Variants in FANCL observed in about 807,000 individuals in gnomAD.
FANCL encodes E3 ubiquitin-protein ligase FANCL.
In FANCL, 69 loss-of-function variants were observed where a neutral mutation model predicts 59.4. That is an observed-to-expected ratio of 1.16 (90% CI 0.96 to 1.42). The LOEUF is 1.42. FANCL is among the 40% of genes most tolerant of loss of function. The probability of loss-of-function intolerance (pLI) is 0.00; values close to 1 mark genes in which losing one functional copy is unlikely to be tolerated. For missense variants in FANCL, 519 were observed against 447.2 expected (o/e 1.16, Z -1.45); for synonymous variants, 180 against 147.1 (o/e 1.22, Z -1.62).
chr2:58,188,385 T>C (rs762415491), intron 7 of FANCL, among the ~76,000 whole-genome samples: 19 of 152,152 alleles, frequency 1.2e-4, no homozygotes, highest in Non-Finnish European at 2.1e-4. Context: ...CACAGGACCT[T>C]TGCAGCCTTT....
chr2:58,224,981 T>C (rs921785432), intron 4 of FANCL, among the ~76,000 whole-genome samples: 15 of 151,922 alleles, frequency 9.9e-5, no homozygotes, highest in African/African-American at 3.1e-4. Context: ...CCAAATACTA[T>C]TTCCCACAAA....
rs568961545 is a variant in FANCL at position 58,188,048 on chromosome 2, T to G, written c.540+10546A>C. On this transcript the variant is annotated intron_variant, in intron 7 of 13. Coordinates refer to ENST00000233741, the MANE Select transcript of FANCL (RefSeq NM_018062.4). ...CCCTGTGTTTCTTCTAGAAGCTTTATATTTATGTTTTTACATTGTTTATAA... is the reference window on the plus strand; with the variant it reads ...CCCTGTGTTTCTTCTAGAAGCTTTAGATTTATGTTTTTACATTGTTTATAA... Among the ~76,000 whole-genome samples the G allele has an allele frequency of 3.3e-5, 5 of 152,258 alleles. No homozygotes were observed. In the East Asian group the frequency reaches 9.6e-4, roughly 29 times the overall value.
intron 7 of FANCL, among the ~76,000 whole-genome samples, chr2:58,174,437 T>A (rs1315994462): frequency 6.6e-6 from 1 of 152,062 alleles, no homozygotes. Context: ...TAACAAACTG[T>A]CTCTCAGACC....
At chr2:58,229,252 T>C (rs1693338838) in intron 3 of FANCL, among the ~76,000 whole-genome samples, 1 of 152,140 alleles carries the variant, frequency 6.6e-6, no homozygotes, top group South Asian at 2.1e-4. Context: ...AGAATTATAT[T>C]ATGTCATTAT....
rs1032497636 is a variant in FANCL at position 58,221,944 on chromosome 2, A to G, written c.372T>C (p.Asp124=). ...AACATATTTTAAAACAGACATACTT[A>G]TCCCAACCAAGAGTTCCTATCTCTT... The part of the protein sequence containing the change: ...LIEEIGTLGW[D]KLVYADTCFS... The change falls in exon 5 of 14, where the codon GAT becomes GAC. Residue 124 remains aspartate (D), a splice_region_variant and synonymous_variant. Transcript: ENST00000233741. 1 of 1,603,080 alleles carries G rather than the reference A, an allele frequency of 6.2e-7. No individual in the cohort carries two copies. Among genetic ancestry groups the G allele is most frequent in the Non-Finnish European group, 8.5e-7 (1 of 1,170,086 alleles).
chr2:58,191,027 C>A (rs935408297), intron 7 of FANCL, among the ~76,000 whole-genome samples: 3 of 151,596 alleles, frequency 2.0e-5, no homozygotes, highest in African/African-American at 7.3e-5. Context: ...CTCCAATGGG[C>A]ATGTTTTTCA....
chr2:58,161,673 G>T, intron 11 of FANCL, 35 bp from the exon 12 acceptor site: 1 of 1,368,922 alleles, frequency 7.3e-7, no homozygotes. Context: ...AAGCGTATGT[G>T]TCTCACTAAC....
intron 7 of FANCL, among the ~76,000 whole-genome samples, chr2:58,194,961 A>T (rs577545353): frequency 6.6e-6 from 1 of 152,056 alleles, no homozygotes; most frequent in African/African-American, 2.4e-5. Context: ...TTCCAAGTTT[A>T]AAGTCCAGAA....
chr2:58,207,633 T>C (rs1690724566), intron 5 of FANCL, among the ~76,000 whole-genome samples: 1 of 152,200 alleles, frequency 6.6e-6, no homozygotes, highest in African/African-American at 2.4e-5. Context: ...GCCTATGATA[T>C]AACTAATAGA....
chr2:58,212,196 G>T (rs531485365), intron 5 of FANCL, among the ~76,000 whole-genome samples: 1 of 152,292 alleles, frequency 6.6e-6, no homozygotes, highest in African/African-American at 2.4e-5. Flanking sequence ...AGGCAAAGAG[G>T]AGCAAGTCCC....
intron 7 of FANCL, among the ~76,000 whole-genome samples, chr2:58,178,153 C>T (rs1433947326): frequency 6.6e-6 from 1 of 152,078 alleles, no homozygotes; most frequent in Non-Finnish European, 1.5e-5. Flanking sequence ...CCAAATTCTA[C>T]CAGAGGTACA....
Position 58,222,044 on chromosome 2 carries a change from T to C in FANCL, c.274-2A>G, listed in dbSNP as rs769762001. 4 of 1,609,094 alleles carry C rather than the reference T, an allele frequency of 2.5e-6. No individual in the cohort carries two copies. Among genetic ancestry groups the C allele is most frequent in the South Asian group, 1.1e-5 (1 of 90,958 alleles). ...TTGTCTATTCTTTAAGGCAACTTCC[T>C]GTTTAAAAGAAGAAAACCTGAATTA... On this transcript the variant is annotated splice_acceptor_variant, in intron 4 of 13. Transcript: ENST00000233741. LOFTEE classifies it high-confidence loss of function.
intron 5 of FANCL, among the ~76,000 whole-genome samples, chr2:58,205,687 A>G (rs2105160394): frequency 6.6e-6 from 1 of 152,240 alleles, no homozygotes; most frequent in Admixed American, 6.6e-5. Context: ...TTTTAGGAAA[A>G]TGTAGAGTAG....
At chr2:58,188,709 G>A (rs1688641436) in intron 7 of FANCL, among the ~76,000 whole-genome samples, 1 of 151,578 alleles carries the variant, frequency 6.6e-6, no homozygotes, top group African/African-American at 2.4e-5. Flanking sequence ...TGAAGTGTTG[G>A]GATTACGGGT....
intron 7 of FANCL, among the ~76,000 whole-genome samples, chr2:58,176,363 T>A (rs1254946374): frequency 3.9e-5 from 6 of 151,902 alleles, no homozygotes; most frequent in African/African-American, 1.5e-4. Flanking sequence ...GGCATCACGC[T>A]ACCTGACTTC....
At chr2:58,163,277 C>T (rs931112926) in intron 9 of FANCL, 157 bp downstream of exon 9, 15 of 726,158 alleles carry the variant, frequency 2.1e-5, no homozygotes, top group African/African-American at 5.4e-5. Context: ...ACCGAGATCG[C>T]GCCATTACAC....
At chr2:58,211,526 G>A (rs1457542613) in intron 5 of FANCL, among the ~76,000 whole-genome samples, 2 of 152,180 alleles carry the variant, frequency 1.3e-5, no homozygotes, top group Non-Finnish European at 2.9e-5. Flanking sequence ...TGTTACTTAT[G>A]CAAATTTCTG....
chr2:58,241,356 G>A, upstream of FANCL: 2 of 1,592,136 alleles, frequency 1.3e-6, no homozygotes, highest in Non-Finnish European at 1.7e-6. Flanking sequence ...TAGACCTGCT[G>A]GGTCCTGCAC....
intron 5 of FANCL, among the ~76,000 whole-genome samples, chr2:58,206,442 T>C (rs1558793572): frequency 6.6e-6 from 1 of 152,128 alleles, no homozygotes; most frequent in South Asian, 2.1e-4. Flanking sequence ...CCTTAAATAG[T>C]TCATAACCAT....
Sources: gnomAD v4.1 joint callset for allele counts (sites outside exome capture counted in the v4.1 genomes callset) on GRCh38, gnomAD v4.1.1 for gene constraint, MANE v1.5 for transcripts, NCBI Gene and HGNC (gene_info 2026-07-23, HGNC 2026-07-21) for gene names.